Variants in SYPL1 observed in about 807,000 individuals in gnomAD.
The protein encoded by SYPL1 is synaptophysin like 1.
In SYPL1, 6 loss-of-function variants were observed where a neutral mutation model predicts 23.7. That is an observed-to-expected ratio of 0.25 (90% confidence interval 0.14 to 0.50). SYPL1 has a LOEUF of 0.50. Among genes scored for constraint, SYPL1 ranks in the 20% least tolerant of loss-of-function variants. The pLI, the probability that SYPL1 is intolerant of heterozygous loss-of-function variation, is 0.98. For missense variants in SYPL1, 253 were observed against 288.9 expected (o/e 0.88, Z 0.90); for synonymous variants, 102 against 104.5 (o/e 0.98, Z 0.15).
chr7:106,106,970 A>G (rs1840637374), intron 1 of SYPL1, among the ~76,000 whole-genome samples: 2 of 152,376 alleles, frequency 1.3e-5, no homozygotes, highest in South Asian at 4.1e-4. Context: ...TGTTGTTTAC[A>G]CGTTTCTAGT....
Position 106,100,136 on chromosome 7 carries a change from C to T in SYPL1, c.70-854G>A, listed in dbSNP as rs1840237689. Among the ~76,000 whole-genome samples, 1 of 152,208 alleles carries T rather than the reference C, an allele frequency of 6.6e-6. No homozygotes were observed. Among genetic ancestry groups the T allele is most frequent in the African/African-American group, 2.4e-5 (1 of 41,458 alleles). On this transcript the variant is annotated intron_variant, in intron 1 of 4. Coordinates refer to ENST00000455385, the MANE Select transcript of SYPL1 (RefSeq NM_182715.4). This position sits in a 1 kb window ranked among gnomAD's most constrained non-coding sequence, Gnocchi z 5.1. The stretch of plus-strand genomic sequence containing the variant: ...CAAGAGGTTGTCAGCAGAGAAGAGA[C>T]ACTATTTCATGAGCCTGTTAAACCT...
Position 106,105,147 on chromosome 7 carries a change from G to A in SYPL1, c.70-5865C>T, listed in dbSNP as rs185170682. Among the ~76,000 whole-genome samples, 11 of 152,222 alleles carry A rather than the reference G, an allele frequency of 7.2e-5. No individual in the cohort carries two copies. In the East Asian group the frequency reaches 2.1e-3, roughly 29 times the overall value. On this transcript the variant is annotated intron_variant, in intron 1 of 4. Transcript: ENST00000455385. ...ATTGTCTTAACAGCCCTCAGGATGT[G>A]TGTTAGTTGCCAGTAAGTAATCAAT...
intron 1 of SYPL1, among the ~76,000 whole-genome samples, chr7:106,101,490 A>T (rs933906624): frequency 7.3e-6 from 1 of 136,504 alleles, no homozygotes; most frequent in Non-Finnish European, 1.6e-5. Context: ...CATGAAAAGA[A>T]TCTGGTTACA....
At position 106,112,153 on chromosome 7, in the gene SYPL1, T is replaced by G. The variant is rs2116235316; in HGVS notation, c.56A>C (p.Lys19Thr). ...NPLKEPLGFIKVLEWIASIFA... is the reference protein window; with the variant it reads ...NPLKEPLGFITVLEWIASIFA... ...GGCTGCACTCACCCACTCGAGGACCTTGATGAAGCCGAGTGGCTCCTTGAG... is the reference window on the plus strand; with the variant it reads ...GGCTGCACTCACCCACTCGAGGACCGTGATGAAGCCGAGTGGCTCCTTGAG... The change falls in exon 1 of 5, where the codon AAG (lysine) becomes ACG (threonine). Residue 19 changes from lysine (K) to threonine (T), a missense_variant. Lys to Thr is a moderately conservative substitution (Grantham distance 78). Transcript: ENST00000455385. The G allele has an allele frequency of 6.5e-7, 1 of 1,537,114 alleles. No individual in the cohort carries two copies. The highest frequency in any genetic ancestry group is 2.5e-5 in the East Asian group (1 of 39,318).
Position 106,091,521 on chromosome 7 carries a change from A to C in SYPL1, c.*284T>G, listed in dbSNP as rs1176616215. 4 of 291,654 alleles carry C rather than the reference A, an allele frequency of 1.4e-5. No individual in the cohort carries two copies. The highest frequency in any genetic ancestry group is 2.6e-5 in the Non-Finnish European group (4 of 155,888). The allele number at this position is 291,654 out of a possible 1,614,324, so 18.1% of individuals were successfully genotyped here. On this transcript the variant is annotated 3_prime_UTR_variant, in exon 5 of 5. Transcript: ENST00000455385. This position sits in a 1 kb window ranked among gnomAD's most constrained non-coding sequence, Gnocchi z 5.0. ...ACATGTTAAGGCTTAAGGTGTAAAC[A>C]CTTTGGAAGGCAAACAGCTTAGTGA...
chr7:106,090,852 C>T lies in SYPL1; in HGVS notation c.*953G>A, dbSNP rs893237797. 3.9e-5 allele frequency: 6 copies of T among 152,192 alleles called. No individual in the cohort carries two copies. Among genetic ancestry groups the T allele is most frequent in the Admixed American group, 1.3e-4 (2 of 15,274 alleles). 9.4% of individuals were successfully genotyped at this position (152,192 alleles called of 1,614,324 possible). On this transcript the variant is annotated 3_prime_UTR_variant, in exon 5 of 5. Coordinates refer to ENST00000455385, the MANE Select transcript of SYPL1 (RefSeq NM_182715.4). ...ATGAAATCCAAATTGCACTTATTTT[C>T]ACAATATCAATGCTAAACTCAAAAT...
Position 106,099,325 on chromosome 7 carries a change from A to G in SYPL1, c.70-43T>C, listed in dbSNP as rs200554472. On this transcript the variant is annotated intron_variant, in intron 1 of 4. Transcript: ENST00000455385. ...AAAAAAGACAAAAGAAAAAAAAGAT[A>G]AGCAATACTACAACCAAAACAAGGG... 1.7e-5 allele frequency: 27 copies of G among 1,583,366 alleles called. No homozygotes were observed. In the African/African-American group the frequency reaches 3.6e-4, roughly 21 times the overall value.
rs1472131528 is a variant in SYPL1 at position 106,100,008 on chromosome 7, TA to T, written c.70-727del. Among the ~76,000 whole-genome samples, 2 of 152,234 alleles carry T rather than the reference TA, an allele frequency of 1.3e-5. No individual in the cohort carries two copies. Among genetic ancestry groups the T allele is most frequent in the Non-Finnish European group, 2.9e-5 (2 of 68,052 alleles). ...ATACTTTAGTGTATCCACTAAGTATTAGTATGAAATATAGAGGGAGACTCAT... is the reference window on the plus strand; with the variant it reads ...ATACTTTAGTGTATCCACTAAGTATTGTATGAAATATAGAGGGAGACTCAT... On this transcript the variant is annotated intron_variant, in intron 1 of 4. Coordinates refer to ENST00000455385, the MANE Select transcript of SYPL1 (RefSeq NM_182715.4). The surrounding 1 kb of genome is among the most constrained non-coding windows in gnomAD (Gnocchi z 5.1).
intron 3 of SYPL1, 34 bp from the exon 4 acceptor site, chr7:106,093,171 CAGTT>C: frequency 6.6e-7 from 1 of 1,516,898 alleles, no homozygotes; most frequent in Non-Finnish European, 8.9e-7. Flanking sequence ...TAATAATGAA[CAGTT>C]AATTTTAATA....
In SYPL1 at chr7:106,104,629, T is replaced by C. The variant is rs900239126; in HGVS notation, c.70-5347A>G. 6.6e-6 allele frequency among the ~76,000 whole-genome samples: 1 copy of C among 152,240 alleles called. No homozygotes were observed. Among genetic ancestry groups the C allele is most frequent in the African/African-American group, 2.4e-5 (1 of 41,454 alleles). On this transcript the variant is annotated intron_variant, in intron 1 of 4. Coordinates refer to ENST00000455385, the MANE Select transcript of SYPL1 (RefSeq NM_182715.4). This position sits in a 1 kb window ranked among gnomAD's most constrained non-coding sequence, Gnocchi z 4.1. ...GGAAAAAATAATTTCCAATAACTTA[T>C]AAATAAAACCATATTTTGAATCTTA...
rs1840274353 is a variant in SYPL1 at position 106,100,875 on chromosome 7, G to T, written c.70-1593C>A. ...AATAAAAACCAAAGTTCATATAAAG[G>T]CCTGCAAGATCCTTTCTTCCCTTAT... On this transcript the variant is annotated intron_variant, in intron 1 of 4. Coordinates refer to ENST00000455385, the MANE Select transcript of SYPL1 (RefSeq NM_182715.4). The surrounding 1 kb of genome is among the most constrained non-coding windows in gnomAD (Gnocchi z 5.1). Among the ~76,000 whole-genome samples the T allele has an allele frequency of 6.6e-6, 1 of 152,058 alleles. No individual in the cohort carries two copies. The highest frequency in any genetic ancestry group is 6.6e-5 in the Admixed American group (1 of 15,254).
intron 1 of SYPL1, chr7:106,111,928 G>A (rs1790174341): frequency 2.4e-6 from 1 of 424,282 alleles, no homozygotes; most frequent in Non-Finnish European, 3.4e-6. Context: ...GGCGGCCGAG[G>A]AGCTCGTGAT....
intron 1 of SYPL1, among the ~76,000 whole-genome samples, chr7:106,105,330 A>G (rs1840536420): frequency 6.6e-6 from 1 of 151,634 alleles, no homozygotes; most frequent in Admixed American, 6.6e-5. Flanking sequence ...ATTTTCCCAT[A>G]TACTCCTACC....
chr7:106,101,892 T>C (rs1008587422), intron 1 of SYPL1, among the ~76,000 whole-genome samples: 2 of 151,720 alleles, frequency 1.3e-5, no homozygotes, highest in African/African-American at 4.8e-5. Flanking sequence ...CAGAGTTGAT[T>C]TGTAGATCAC....
Position 106,093,040 on chromosome 7 carries a change from T to C in SYPL1, c.500A>G (p.Asn167Ser). The C allele has an allele frequency of 1.9e-6, 3 of 1,613,940 alleles. No individual in the cohort carries two copies. The highest frequency in any genetic ancestry group is 2.5e-6 in the Non-Finnish European group (3 of 1,179,914). The change falls in exon 4 of 5, where the codon AAT (asparagine) becomes AGT (serine). Residue 167 changes from asparagine to serine, a missense_variant. Asn to Ser is a conservative substitution (Grantham distance 46). Coordinates refer to ENST00000455385, the MANE Select transcript of SYPL1 (RefSeq NM_182715.4). ...LTDIKIATGH[N>S]IIDELPPCKK... ...ACAAGGCGGAAGTTCATCAATAATA[T>C]TGTGACCAGTAGCTATTTTAATATC...
Position 106,097,709 on chromosome 7 carries a change from C to A in SYPL1, c.383G>T (p.Ser128Ile), listed in dbSNP as rs1232861615. 1 of 1,612,414 alleles carries A rather than the reference C, an allele frequency of 6.2e-7. No homozygotes were observed. Among genetic ancestry groups the A allele is most frequent in the East Asian group, 2.2e-5 (1 of 44,854 alleles). ...YVGYTSLYLDSRKLPMIDFVV... is the reference protein window; with the variant it reads ...YVGYTSLYLDIRKLPMIDFVV... ...ACTTACTATCATAGGAAGTTTACGACTATCCAGATACAGACTCGTGTAGCC... is the reference window on the plus strand; with the variant it reads ...ACTTACTATCATAGGAAGTTTACGAATATCCAGATACAGACTCGTGTAGCC... Residue 128 changes from serine (S) to isoleucine (I), a missense_variant, in exon 3 of 5, where the codon AGT becomes ATT. By Grantham distance (142) the Ser-to-Ile change is moderately radical. Transcript: ENST00000455385. The surrounding 1 kb of genome is among the most constrained non-coding windows in gnomAD (Gnocchi z 4.6).
At chr7:106,107,295 T>C (rs900687355) in intron 1 of SYPL1, among the ~76,000 whole-genome samples, 3 of 152,202 alleles carry the variant, frequency 2.0e-5, no homozygotes, top group Admixed American at 1.3e-4. Context: ...TTCAAAAAAG[T>C]ATTGTTTTTG....
In SYPL1 at chr7:106,096,080, T is replaced by C. The variant is rs1840005495; in HGVS notation, c.402+1610A>G. Among the ~76,000 whole-genome samples, 1 of 152,238 alleles carries C rather than the reference T, an allele frequency of 6.6e-6. No homozygotes were observed. The highest frequency in any genetic ancestry group is 1.5e-5 in the Non-Finnish European group (1 of 68,034). On this transcript the variant is annotated intron_variant, in intron 3 of 4. Coordinates refer to ENST00000455385, the MANE Select transcript of SYPL1 (RefSeq NM_182715.4). This position sits in a 1 kb window ranked among gnomAD's most constrained non-coding sequence, Gnocchi z 4.4. ...CAAAATATAATTATCTATAAGATTA[T>C]TCCAGTTCCCTTTTAAATAAGATTT... is the stretch of plus-strand genomic sequence containing the variant.
chr7:106,098,387 T>C (rs1394586914), intron 2 of SYPL1, among the ~76,000 whole-genome samples: 2 of 152,218 alleles, frequency 1.3e-5, no homozygotes, highest in Admixed American at 6.5e-5. Context: ...CAGTCCCTTA[T>C]GTGAGAAGTG....
Sources: allele counts gnomAD v4.1 joint callset (sites outside exome capture counted in the v4.1 genomes callset), GRCh38; gene constraint gnomAD v4.1.1; non-coding constraint Gnocchi (gnomAD v3.1); transcripts MANE v1.5; gene names NCBI Gene and HGNC (gene_info 2026-07-23, HGNC 2026-07-21).